RNF212B: variants seen among roughly 807,000 people sequenced by gnomAD.
RNF212B encodes the protein ring finger protein 212B.
Under a neutral mutation model 55.5 loss-of-function variants are expected in RNF212B, and 52 were observed. The ratio of observed to expected loss-of-function variants is 0.94; its 90% confidence interval spans 0.75 to 1.18. The LOEUF is 1.18. RNF212B is among the 50% of genes most tolerant of loss of function. The pLI is 0.00. For synonymous variants in RNF212B, 99 were observed against 121.4 expected, an observed-to-expected ratio of 0.82 and a Z score of 1.21; for missense variants, 289 against 350.4, an observed-to-expected ratio of 0.82 and a Z score of 1.40.
intron 2 of RNF212B, among the ~76,000 whole-genome samples, chr14:23,201,630 T>C (rs1294868484): frequency 6.6e-6 from 1 of 152,178 alleles, no homozygotes; most frequent in Non-Finnish European, 1.5e-5. Context: ...AAGGAGTAAT[T>C]AGGTTAGAAC....
intron 2 of RNF212B, among the ~76,000 whole-genome samples, chr14:23,224,040 T>A (rs1483089799): frequency 6.6e-6 from 1 of 151,962 alleles, no homozygotes; most frequent in Admixed American, 6.6e-5. Context: ...AAGTAAAAGA[T>A]CTCTATGAAG....
At chr14:23,248,986 C>T (rs1345801623) in intron 4 of RNF212B, among the ~76,000 whole-genome samples, 1 of 152,078 alleles carries the variant, frequency 6.6e-6, no homozygotes, top group South Asian at 2.1e-4. Context: ...CAGCCATAGA[C>T]AGCATGTAAG....
intron 2 of RNF212B, among the ~76,000 whole-genome samples, chr14:23,229,220 T>TTTTATATATATATATATATA (rs1183907201): frequency 1.5e-5 from 1 of 65,040 alleles, no homozygotes; most frequent in Non-Finnish European, 3.0e-5. Context: ...GAATAATATT[T>TTTTATATATATATATATATA]TATATATATA....
chr14:23,235,474 A>G (rs1182701248), upstream of RNF212B, among the ~76,000 whole-genome samples: 2 of 152,202 alleles, frequency 1.3e-5, no homozygotes, highest in Non-Finnish European at 2.9e-5. Context: ...AACTATTCAG[A>G]CTTAGGTATT....
At chr14:23,202,143 C>T (rs776099280) in intron 2 of RNF212B, among the ~76,000 whole-genome samples, 7 of 151,164 alleles carry the variant, frequency 4.6e-5, no homozygotes, top group South Asian at 2.1e-4. Context: ...CCCAGCTATT[C>T]GGGAGTCTGA....
intron 2 of RNF212B, among the ~76,000 whole-genome samples, chr14:23,224,887 G>A (rs888754347): frequency 6.6e-6 from 1 of 152,070 alleles, no homozygotes; most frequent in African/African-American, 2.4e-5. Flanking sequence ...ACTATATAAG[G>A]AGCTCAAACA....
chr14:23,264,769 G>GTT, intron 11 of RNF212B, 98 bp downstream of exon 11: 14 of 518,298 alleles, frequency 2.7e-5, no homozygotes, highest in South Asian at 9.6e-5. Context: ...CATTTCACTT[G>GTT]TTTTTTTTTC....
At chr14:23,217,255 T>TGGC (rs1555312323) in intron 2 of RNF212B, among the ~76,000 whole-genome samples, 1 of 23,932 alleles carries the variant, frequency 4.2e-5, no homozygotes, top group African/African-American at 8.8e-5. Flanking sequence ...GTGGCAGTGG[T>TGGC]GGGGGGGGGG....
rs142675675 is a variant in RNF212B at position 23,197,225 on chromosome 14, G to A, written c.-2+3824G>A. Among the ~76,000 whole-genome samples the A allele has an allele frequency of 3.9e-4, 59 of 152,276 alleles. 1 individual carries two copies. The Middle Eastern group carries it at 0.01, about 26-fold the overall frequency. The stretch of plus-strand genomic sequence containing the variant: ...TCACTGATGTTATCATCCAGAAAGG[G>A]TGAGAAAAATATAACGAGAGGCCAG... On this transcript the variant is annotated intron_variant, in intron 2 of 15. Transcript: ENST00000399910.
chr14:23,267,834 C>G (rs1242940630), intron 11 of RNF212B, among the ~76,000 whole-genome samples: 1 of 152,204 alleles, frequency 6.6e-6, no homozygotes, highest in Non-Finnish European at 1.5e-5. Context: ...TCCTTTCAAC[C>G]TATATGCATC....
chr14:23,247,616 G>T (rs1884083947), intron 4 of RNF212B, among the ~76,000 whole-genome samples: 1 of 151,972 alleles, frequency 6.6e-6, no homozygotes, highest in African/African-American at 2.4e-5. Flanking sequence ...TCCATTTTAT[G>T]GCCAAATAAT....
chr14:23,210,525 C>T (rs1282353327), intron 2 of RNF212B, among the ~76,000 whole-genome samples: 1 of 152,036 alleles, frequency 6.6e-6, no homozygotes, highest in Non-Finnish European at 1.5e-5. Flanking sequence ...CGCCTATAAT[C>T]CCAGAACTTT....
At chr14:23,245,453 G>T (rs1883916446) in intron 4 of RNF212B, among the ~76,000 whole-genome samples, 1 of 152,146 alleles carries the variant, frequency 6.6e-6, no homozygotes, top group African/African-American at 2.4e-5. Flanking sequence ...CATAGTTAAT[G>T]ATCAGTAGAG....
intron 2 of RNF212B, among the ~76,000 whole-genome samples, chr14:23,215,016 T>C (rs980394192): frequency 2.0e-5 from 3 of 152,250 alleles, no homozygotes; most frequent in Non-Finnish European, 4.4e-5. Context: ...TTTGGCTCTG[T>C]GTCCCCACAC....
chr14:23,190,713 C>A (rs185658714), intron 1 of RNF212B, among the ~76,000 whole-genome samples: 98 of 152,310 alleles, frequency 6.4e-4, no homozygotes, highest in Non-Finnish European at 1.1e-3. Flanking sequence ...ATTCTCTACA[C>A]GGCAGCCAGA....
intron 2 of RNF212B, among the ~76,000 whole-genome samples, chr14:23,226,317 TTAAA>T (rs1251726091): frequency 2.0e-5 from 2 of 101,760 alleles, no homozygotes; most frequent in African/African-American, 4.2e-5. Context: ...AAAAAAAAAA[TTAAA>T]TAAATAAATA....
chr14:23,219,700 G>C (rs1446560644), intron 2 of RNF212B, among the ~76,000 whole-genome samples: 1 of 151,934 alleles, frequency 6.6e-6, no homozygotes, highest in Non-Finnish European at 1.5e-5. Context: ...TCAAACTGCC[G>C]ACCTCAGGTG....
intron 1 of RNF212B, among the ~76,000 whole-genome samples, chr14:23,238,829 A>G (rs1459346532): frequency 6.6e-6 from 1 of 151,636 alleles, no homozygotes; most frequent in Non-Finnish European, 1.5e-5. Context: ...GTATTTAACA[A>G]AGTATATGAA....
chr14:23,241,858 T>C (rs957719759), intron 2 of RNF212B, among the ~76,000 whole-genome samples: 1 of 149,356 alleles, frequency 6.7e-6, no homozygotes, highest in East Asian at 2.0e-4. Flanking sequence ...CCGAGGCGGG[T>C]GGATCACAAG....
Sources: allele counts gnomAD v4.1 joint callset (sites outside exome capture counted in the v4.1 genomes callset), GRCh38; gene constraint gnomAD v4.1.1; transcripts MANE v1.5; gene names NCBI Gene and HGNC (gene_info 2026-07-23, HGNC 2026-07-21).